The following ROBO1 variants were observed in gnomAD, a reference collection of about 807,000 sequenced individuals.
The protein encoded by ROBO1 is roundabout homolog 1.
ROBO1 carries 149 observed loss-of-function variants against 195.9 expected under a neutral mutation model. The observed-to-expected ratio is 0.76, with a 90% CI of 0.67 to 0.87. The LOEUF (loss-of-function observed/expected upper bound fraction) is 0.87, where lower values mean the gene tolerates loss of function less well. Ranked by LOEUF, ROBO1 falls within the 40% of genes least tolerant of loss-of-function variation. ROBO1 has a pLI of 0.00. For synonymous variants in ROBO1, 816 were observed against 733.2 expected, an observed-to-expected ratio of 1.11 and a Z score of -1.82; for missense variants, 1,933 against 2,068.3, an observed-to-expected ratio of 0.93 and a Z score of 1.27.
intron 2 of ROBO1, among the ~76,000 whole-genome samples, chr3:79,274,618 A>C (rs2030866859): frequency 6.6e-6 from 1 of 151,978 alleles, no homozygotes; most frequent in Non-Finnish European, 1.5e-5. Flanking sequence ...CCCACCCAAA[A>C]TTAGTGGAAG....
At chr3:78,643,278 C>G (rs1405951299) in intron 21 of ROBO1, among the ~76,000 whole-genome samples, 3 of 152,174 alleles carry the variant, frequency 2.0e-5, no homozygotes, top group Admixed American at 6.6e-5. Flanking sequence ...ATGAGCCTAG[C>G]TGTATTCTTA....
chr3:79,217,431 T>G (rs1396502972), intron 2 of ROBO1, among the ~76,000 whole-genome samples: 1 of 152,030 alleles, frequency 6.6e-6, no homozygotes, highest in African/African-American at 2.4e-5. Flanking sequence ...TTAACGTATT[T>G]TTTTCCCTAA....
chr3:79,453,084 G>T (rs534911177), intron 2 of ROBO1, among the ~76,000 whole-genome samples: 1 of 152,054 alleles, frequency 6.6e-6, no homozygotes, highest in African/African-American at 2.4e-5. Flanking sequence ...AGTGTGGTGG[G>T]CAGGTATCTT....
chr3:79,148,877 C>A (rs1297891808), intron 2 of ROBO1, among the ~76,000 whole-genome samples: 1 of 151,826 alleles, frequency 6.6e-6, no homozygotes, highest in East Asian at 1.9e-4. Flanking sequence ...TTAGACATAG[C>A]ATAAACATAA....
chr3:79,336,262 G>T lies in ROBO1; in HGVS notation c.89-210723C>A, dbSNP rs140448436. Among the ~76,000 whole-genome samples, 1,227 of 152,332 alleles carry T rather than the reference G, an allele frequency of 8.1e-3. 6 individuals are homozygous for T. The highest frequency in any genetic ancestry group is 0.014 in the Middle Eastern group (4 of 294). On this transcript the variant is annotated intron_variant, in intron 2 of 30. Transcript: ENST00000464233. ...GGAAATATCTCCAGGGCATGTCAGA[G>T]ACCTTCCTGGCAATCCCTCCCATCA...
chr3:78,854,951 T>C (rs1465253837), intron 4 of ROBO1, among the ~76,000 whole-genome samples: 1 of 152,144 alleles, frequency 6.6e-6, no homozygotes, highest in Non-Finnish European at 1.5e-5. Flanking sequence ...TTAAAAAACA[T>C]GGTTTTATCT....
chr3:78,674,975 G>A (rs143284026), intron 10 of ROBO1, among the ~76,000 whole-genome samples: 70 of 152,084 alleles, frequency 4.6e-4, no homozygotes, highest in African/African-American at 1.7e-3. Context: ...TTTAATGGCT[G>A]TAATGTACTT....
intron 2 of ROBO1, among the ~76,000 whole-genome samples, chr3:79,372,493 G>A (rs1042049687): frequency 6.6e-6 from 1 of 152,132 alleles, no homozygotes; most frequent in African/African-American, 2.4e-5. Context: ...ACAGGAGTGA[G>A]CCACTGCGCC....
Position 78,598,158 on chromosome 3 carries a change from A to AAAAT in ROBO1, c.*751_*754dup, listed in dbSNP as rs1341087820. 14 of 152,656 alleles carry AAAAT rather than the reference A, an allele frequency of 9.2e-5. No individual in the cohort carries two copies. The highest frequency in any genetic ancestry group is 8.3e-4 in the South Asian group (4 of 4,830). The allele number at this position is 152,656 out of a possible 1,614,324, so 9.5% of individuals were successfully genotyped here. A position where few individuals can be genotyped will look rare whatever the true frequency, so the allele number is the denominator to read the frequency against. Reference sequence around the variant, plus strand: ...TTTATAATTACTTTTTGATGATTGAAAAATAGAACAAGGTTTTACTAGGTT... The same window carrying AAAAT: ...TTTATAATTACTTTTTGATGATTGAAAAATAAATAGAACAAGGTTTTACTAGGTT... On this transcript the variant is annotated 3_prime_UTR_variant, in exon 31 of 31. Transcript: ENST00000464233.
rs1287243735 is a variant in ROBO1 at position 79,398,528 on chromosome 3, CT to C, written c.88+191295del. The stretch of plus-strand genomic sequence containing the variant: ...ACTTCTGAGCAAACTAAAGTATAAT[CT>C]CTCTTTCATAAGGTAGTTGTATAGC... On this transcript the variant is annotated intron_variant, in intron 2 of 30. Coordinates refer to ENST00000464233, the MANE Select transcript of ROBO1 (RefSeq NM_002941.4). Among the ~76,000 whole-genome samples the C allele has an allele frequency of 2.6e-5, 4 of 152,198 alleles. No individual in the cohort carries two copies. In the East Asian group the frequency reaches 7.8e-4, roughly 30 times the overall value.
chr3:79,255,553 T>C (rs1160416261), intron 2 of ROBO1, among the ~76,000 whole-genome samples: 2 of 152,140 alleles, frequency 1.3e-5, no homozygotes, highest in African/African-American at 4.8e-5. Flanking sequence ...GTTGGTAAAG[T>C]AGTACCGATA....
chr3:78,642,637 T>C (rs1458668208), intron 21 of ROBO1, among the ~76,000 whole-genome samples: 1 of 152,228 alleles, frequency 6.6e-6, no homozygotes, highest in African/African-American at 2.4e-5. Flanking sequence ...GGATTAAGTA[T>C]GTTTTTTGGA....
intron 1 of ROBO1, among the ~76,000 whole-genome samples, chr3:79,738,657 A>G (rs907025833): frequency 4.0e-4 from 61 of 152,316 alleles, no homozygotes; most frequent in African/African-American, 1.4e-3. Flanking sequence ...TGCTGTTTTG[A>G]GTTAAAATGG....
chr3:78,798,328 G>C lies in ROBO1; in HGVS notation c.500-51428C>G, dbSNP rs1042440463. On this transcript the variant is annotated intron_variant, in intron 4 of 30. Coordinates refer to ENST00000464233, the MANE Select transcript of ROBO1 (RefSeq NM_002941.4). The stretch of plus-strand genomic sequence containing the variant: ...CCCTGCATATAATATTTTCACTGAA[G>C]TGTCAAATAAGCATGGTAGAGCAGA... 9.9e-5 allele frequency among the ~76,000 whole-genome samples: 15 copies of C among 152,266 alleles called. No homozygotes were observed. In the South Asian group the frequency reaches 2.9e-3, roughly 29 times the overall value.
At chr3:78,812,825 TCTAA>T (rs1559882243) in intron 4 of ROBO1, among the ~76,000 whole-genome samples, 1 of 152,250 alleles carries the variant, frequency 6.6e-6, no homozygotes, top group African/African-American at 2.4e-5. Flanking sequence ...AAGCATGATA[TCTAA>T]CTATGCTAAA....
At chr3:79,337,058 C>T (rs554219212) in intron 2 of ROBO1, among the ~76,000 whole-genome samples, 3 of 152,164 alleles carry the variant, frequency 2.0e-5, no homozygotes, top group Non-Finnish European at 4.4e-5. Flanking sequence ...TTACTCAATG[C>T]CTGTACCTCC....
chr3:78,635,945 T>C lies in ROBO1; in HGVS notation c.3201A>G (p.Ser1067=), dbSNP rs773395318. The change falls in exon 23 of 31, where the codon TCA becomes TCG. Residue 1067 remains serine, a synonymous_variant. Transcript: ENST00000464233. ...TGGTGGCGTAAGGAGTAGGCTGCCC[T>C]GATGGATTGACAAAACGCCCATCCT... ...NLKDGRFVNP[S]GQPTPYATTQ... 4 of 1,613,960 alleles carry C rather than the reference T, an allele frequency of 2.5e-6. No homozygotes were observed. In the East Asian group the frequency reaches 8.9e-5, roughly 36 times the overall value.
At chr3:79,008,773 T>C (rs1261784430) in intron 3 of ROBO1, among the ~76,000 whole-genome samples, 3 of 116,878 alleles carry the variant, frequency 2.6e-5, no homozygotes, top group Non-Finnish European at 5.4e-5. Context: ...TTTTTTTTTT[T>C]CTGTAGCATC....
At chr3:79,259,081 T>G (rs1202866073) in intron 2 of ROBO1, among the ~76,000 whole-genome samples, 1 of 152,098 alleles carries the variant, frequency 6.6e-6, no homozygotes, top group Non-Finnish European at 1.5e-5. Context: ...ATTTCCTACT[T>G]TTTTTTCCAT....
Sources: gnomAD v4.1 joint callset for allele counts (sites outside exome capture counted in the v4.1 genomes callset) on GRCh38, gnomAD v4.1.1 for gene constraint, MANE v1.5 for transcripts, NCBI Gene and HGNC (gene_info 2026-07-23, HGNC 2026-07-21) for gene names.